Variants in PPP1R21 observed in about 807,000 individuals in gnomAD.
The protein encoded by PPP1R21 is KLRAQ motif containing 1.
Under a neutral mutation model 112.8 loss-of-function variants are expected in PPP1R21, and 85 were observed. The ratio of observed to expected loss-of-function variants is 0.75; its 90% CI spans 0.63 to 0.90. The LOEUF is 0.90. Among genes scored for constraint, PPP1R21 ranks in the 40% least tolerant of loss-of-function variants. The pLI is 0.00. For synonymous variants in PPP1R21, 381 were observed against 322.3 expected, an observed-to-expected ratio of 1.18 and a Z score of -1.95; for missense variants, 1,199 against 901.5, an observed-to-expected ratio of 1.33 and a Z score of -4.23.
chr2:48,468,262 G>A (rs1018635048), intron 9 of PPP1R21, among the ~76,000 whole-genome samples: 21 of 152,144 alleles, frequency 1.4e-4, no homozygotes, highest in African/African-American at 4.8e-4. Flanking sequence ...TGTAATACTA[G>A]CACCCAATAA....
chr2:48,454,448 T>C (rs1667621605), intron 2 of PPP1R21, 147 bp from the exon 3 acceptor site: 1 of 887,022 alleles, frequency 1.1e-6, no homozygotes, highest in Non-Finnish European at 1.7e-6. Flanking sequence ...GCTAAAAACT[T>C]AAGAACTGAA....
chr2:48,453,497 C>T lies in PPP1R21; in HGVS notation c.127-1098C>T, dbSNP rs1667574671. Among the ~76,000 whole-genome samples the T allele has an allele frequency of 2.0e-5, 3 of 152,104 alleles. No individual in the cohort carries two copies. The South Asian group carries it at 6.2e-4, about 31-fold the overall frequency. ...CATGAGCCACTGTGCCAGCCCAGTT[C>T]TTTAAATATACAGTATTACATGGCC... On this transcript the variant is annotated intron_variant, in intron 2 of 21. Coordinates refer to ENST00000294952, the MANE Select transcript of PPP1R21 (RefSeq NM_001135629.3).
rs1262205929 is a variant in PPP1R21, at chr2:48,484,062, A to G, written c.1319-2569A>G. ...CAAAACAAACTTTGACGCCATAACA[A>G]AAATCATAGGCTGTGACTCCTGTAG... On this transcript the variant is annotated intron_variant, in intron 13 of 21. Transcript: ENST00000294952. Among the ~76,000 whole-genome samples the G allele has an allele frequency of 2.6e-5, 4 of 152,298 alleles. No individual in the cohort carries two copies. In the East Asian group the frequency reaches 7.7e-4, roughly 29 times the overall value.
chr2:48,493,966 A>C (rs978456458), intron 15 of PPP1R21, among the ~76,000 whole-genome samples: 9 of 151,172 alleles, frequency 6.0e-5, no homozygotes, highest in Admixed American at 4.6e-4. Context: ...TCATGCCTGT[A>C]ATCCCGACAC....
intron 1 of PPP1R21, among the ~76,000 whole-genome samples, chr2:48,448,608 TATAAA>T (rs1667349034): frequency 3.9e-5 from 1 of 25,432 alleles, no homozygotes; most frequent in African/African-American, 1.4e-4. Context: ...TCTTTAGATT[TATAAA>T]ATAAAATCTA....
intron 9 of PPP1R21, among the ~76,000 whole-genome samples, chr2:48,467,887 A>AC: frequency 6.6e-6 from 1 of 152,198 alleles, no homozygotes; most frequent in Non-Finnish European, 1.5e-5. Context: ...GTGTGCTGTA[A>AC]GTGCCTCATG....
chr2:48,486,527 A>G (rs1217880285), intron 13 of PPP1R21, 104 bp from the exon 14 acceptor site: 3 of 870,178 alleles, frequency 3.4e-6, no homozygotes, highest in Admixed American at 2.3e-5. Flanking sequence ...TGTCAAATTT[A>G]CTTTATAAAT....
At chr2:48,459,723 G>A (rs1012702604) in intron 4 of PPP1R21, 31 bp from the exon 5 acceptor site, 1 of 1,601,978 alleles carries the variant, frequency 6.2e-7, no homozygotes, top group Non-Finnish European at 8.5e-7. Context: ...TTAGGATATT[G>A]TGAGAAGAGA....
At chr2:48,486,795 T>G (rs1164096234) in intron 14 of PPP1R21, 37 bp downstream of exon 14, 4 of 1,581,210 alleles carry the variant, frequency 2.5e-6, no homozygotes, top group Non-Finnish European at 3.4e-6. Context: ...GTTAAAACTC[T>G]TAAATATGTG....
intron 5 of PPP1R21, 34 bp from the exon 6 acceptor site, chr2:48,460,061 A>C: frequency 1.2e-6 from 2 of 1,612,852 alleles, no homozygotes; most frequent in Non-Finnish European, 1.7e-6. Flanking sequence ...TCGTAGCCTG[A>C]GCCATCTGTG....
chr2:48,512,515 G>C (rs1670689220), intron 21 of PPP1R21, among the ~76,000 whole-genome samples: 1 of 152,134 alleles, frequency 6.6e-6, no homozygotes, highest in East Asian at 1.9e-4. Context: ...TGTATACTGG[G>C]GAGAAATAGA....
At chr2:48,505,494 A>G in intron 17 of PPP1R21, 70 bp from the exon 18 acceptor site, 2 of 1,156,916 alleles carry the variant, frequency 1.7e-6, no homozygotes, top group Non-Finnish European at 2.5e-6. Flanking sequence ...GAAAATATTA[A>G]AAGCGTTTGA....
intron 18 of PPP1R21, among the ~76,000 whole-genome samples, chr2:48,507,020 C>T (rs1490828611): frequency 6.6e-6 from 1 of 151,760 alleles, no homozygotes; most frequent in Non-Finnish European, 1.5e-5. Context: ...AGTGGGCTTC[C>T]CATTACTTCA....
chr2:48,446,452 C>T (rs1428193482), intron 1 of PPP1R21, among the ~76,000 whole-genome samples: 1 of 152,112 alleles, frequency 6.6e-6, no homozygotes, highest in Non-Finnish European at 1.5e-5. Flanking sequence ...TTTGAGGATT[C>T]TTGGTGTCCA....
At chr2:48,512,363 G>A (rs1167942539) in intron 21 of PPP1R21, among the ~76,000 whole-genome samples, 3 of 147,366 alleles carry the variant, frequency 2.0e-5, no homozygotes, top group East Asian at 1.9e-4. Context: ...TCACTTAGTT[G>A]GCATCATCTC....
chr2:48,512,828 CAG>C (rs767558473), intron 21 of PPP1R21, among the ~76,000 whole-genome samples: 2 of 151,960 alleles, frequency 1.3e-5, no homozygotes, highest in African/African-American at 4.8e-5. Flanking sequence ...AGTTGGCGAT[CAG>C]GGGGCTGGTC....
intron 3 of PPP1R21, among the ~76,000 whole-genome samples, chr2:48,455,699 A>G (rs1253938394): frequency 6.6e-6 from 1 of 151,872 alleles, no homozygotes; most frequent in Non-Finnish European, 1.5e-5. Context: ...AATGAGGGAG[A>G]TTGTCAAAGC....
chr2:48,506,253 C>T (rs1670368406), intron 18 of PPP1R21, among the ~76,000 whole-genome samples: 1 of 152,132 alleles, frequency 6.6e-6, no homozygotes, highest in African/African-American at 2.4e-5. Context: ...GTCACCATGT[C>T]CAGCTAATTT....
intron 14 of PPP1R21, among the ~76,000 whole-genome samples, chr2:48,487,962 C>T (rs777820259): frequency 1.3e-5 from 2 of 152,120 alleles, no homozygotes; most frequent in Non-Finnish European, 2.9e-5. Context: ...CTCAGCATGA[C>T]TTCCAAAGGA....
Sources: gnomAD v4.1 joint callset for allele counts (sites outside exome capture counted in the v4.1 genomes callset) on GRCh38, gnomAD v4.1.1 for gene constraint, MANE v1.5 for transcripts, NCBI Gene and HGNC (gene_info 2026-07-23, HGNC 2026-07-21) for gene names.